Variants in TMCC3 observed in about 807,000 individuals in gnomAD.
The protein encoded by TMCC3 is transmembrane and coiled-coil domain protein 3.
In TMCC3, 28 loss-of-function variants were observed where a neutral mutation model predicts 40.2. That is an observed-to-expected ratio of 0.70 (90% CI 0.52 to 0.95). The LOEUF (loss-of-function observed/expected upper bound fraction) is 0.95. TMCC3 is among the 40% of genes least tolerant of loss of function. The pLI, the probability that TMCC3 is intolerant of heterozygous loss-of-function variation, is 0.00. For missense variants in TMCC3, 554 were observed against 615.2 expected (o/e 0.90, Z 1.05); for synonymous variants, 255 against 248.5 (o/e 1.03, Z -0.25).
chr12:94,567,537 A>G lies in TMCC3; in HGVS notation c.*3898T>C, dbSNP rs2068501762. ...AACTGTACTGATTTCAGGAAACTAT[A>G]GGTTAGTTCTGTTTCATATCTTTTT... On this transcript the variant is annotated 3_prime_UTR_variant, in exon 4 of 4. Transcript: ENST00000261226. The G allele has an allele frequency of 6.6e-6, 1 of 151,488 alleles. No homozygotes were observed. Among genetic ancestry groups the G allele is most frequent in the Non-Finnish European group, 1.5e-5 (1 of 67,750 alleles). 9.4% of individuals were successfully genotyped at this position (151,488 alleles called of 1,614,324 possible).
Position 94,576,088 on chromosome 12 carries a change from C to T in TMCC3, c.1131+2306G>A, listed in dbSNP as rs904957659. The stretch of plus-strand genomic sequence containing the variant: ...CCACTGCACTCGGCCCACTTGGCAA[C>T]AATTAACGTTTAAATGGGTTCAAGT... On this transcript the variant is annotated intron_variant, in intron 3 of 3. Transcript: ENST00000261226. 2.6e-5 allele frequency among the ~76,000 whole-genome samples: 4 copies of T among 152,288 alleles called. No individual in the cohort carries two copies. The East Asian group carries it at 7.7e-4, about 29-fold the overall frequency.
Position 94,571,090 on chromosome 12 carries a change from A to AC in TMCC3, c.*344dup, listed in dbSNP as rs1310909052. On this transcript the variant is annotated 3_prime_UTR_variant, in exon 4 of 4. Transcript: ENST00000261226. ...TTAGCAATTGTGAAGCTCAATTCTGACAGAGACTTAGGAGAGAGACCTCTT... is the reference window on the plus strand; with the variant it reads ...TTAGCAATTGTGAAGCTCAATTCTGACCAGAGACTTAGGAGAGAGACCTCTT... 3 of 252,650 alleles carry AC rather than the reference A, an allele frequency of 1.2e-5. No individual in the cohort carries two copies. Among genetic ancestry groups the AC allele is most frequent in the Non-Finnish European group, 2.3e-5 (3 of 130,796 alleles). 15.7% of individuals were successfully genotyped at this position (252,650 alleles called of 1,614,324 possible). A position where few individuals can be genotyped will look rare whatever the true frequency, so the allele number is the denominator to read the frequency against.
At chr12:94,599,535 G>T (rs2068738904) in intron 1 of TMCC3, among the ~76,000 whole-genome samples, 1 of 148,252 alleles carries the variant, frequency 6.7e-6, no homozygotes, top group Admixed American at 6.8e-5. Context: ...ACCTGAACAG[G>T]AAAGATAATT....
chr12:94,641,335 G>A lies in TMCC3; in HGVS notation c.78+9018C>T, dbSNP rs953406970. 3.3e-5 allele frequency among the ~76,000 whole-genome samples: 5 copies of A among 152,274 alleles called. No homozygotes were observed. In the East Asian group the frequency reaches 5.8e-4, roughly 18 times the overall value. On this transcript the variant is annotated intron_variant, in intron 1 of 3. Coordinates refer to ENST00000261226, the MANE Select transcript of TMCC3 (RefSeq NM_020698.4). ...TAATATTAACCAGGAATAGAAGGGC[G>A]GTTCAAAGAATGAATCTGATATACA...
chr12:94,633,128 A>T (rs2138877964), intron 1 of TMCC3, among the ~76,000 whole-genome samples: 1 of 152,316 alleles, frequency 6.6e-6, no homozygotes, highest in South Asian at 2.1e-4. Flanking sequence ...AGAAAAGAAA[A>T]GAAAAGAAAA....
In TMCC3 at chr12:94,593,391, A is replaced by AGG. The variant is rs1566320565; in HGVS notation, c.79-10854_79-10853insCC. ...AAAAAAAGAAAAGAAAAGAAAGAAG[A>AGG]AAGAAGAAAGAAGAAGAAGGAAGAA... On this transcript the variant is annotated intron_variant, in intron 1 of 3. Transcript: ENST00000261226. 2.1e-4 allele frequency among the ~76,000 whole-genome samples: 13 copies of AGG among 62,776 alleles called. 1 individual carries two copies. The highest frequency in any genetic ancestry group is 8.4e-4 in the African/African-American group (12 of 14,322). The allele number at this position is 62,776 out of a possible 152,430, so 41.2% of individuals were successfully genotyped here.
chr12:94,615,868 CA>C, intron 1 of TMCC3: 1 of 944,976 alleles, frequency 1.1e-6, no homozygotes, highest in Non-Finnish European at 1.3e-6. Context: ...CACAAAGCTC[CA>C]CAATACATAT....
chr12:94,626,470 A>G (rs1158028510), intron 1 of TMCC3, among the ~76,000 whole-genome samples: 15 of 152,252 alleles, frequency 9.9e-5, no homozygotes, highest in Admixed American at 9.8e-4. Context: ...AGGCCTTACA[A>G]ATCCTTTGAT....
At chr12:94,639,994 A>G (rs1431395552) in intron 1 of TMCC3, among the ~76,000 whole-genome samples, 1 of 152,222 alleles carries the variant, frequency 6.6e-6, no homozygotes, top group Non-Finnish European at 1.5e-5. Flanking sequence ...TGATACATTA[A>G]GACCAGGGTT....
chr12:94,573,590 C>A (rs1166847517), intron 3 of TMCC3, among the ~76,000 whole-genome samples: 2 of 151,964 alleles, frequency 1.3e-5, no homozygotes, highest in Non-Finnish European at 2.9e-5. Flanking sequence ...TTCTTTTTTT[C>A]TTTTAAGAGA....
At chr12:94,613,484 T>C (rs1172921056) in intron 1 of TMCC3, among the ~76,000 whole-genome samples, 1 of 151,968 alleles carries the variant, frequency 6.6e-6, no homozygotes, top group African/African-American at 2.4e-5. Flanking sequence ...ATAAAATGAT[T>C]AAATCTTAAA....
chr12:94,577,389 C>G (rs1045552860), intron 3 of TMCC3, among the ~76,000 whole-genome samples: 1 of 152,044 alleles, frequency 6.6e-6, no homozygotes, highest in African/African-American at 2.4e-5. Context: ...GGGGTTTCAC[C>G]TTGTTAGCCA....
intron 1 of TMCC3, among the ~76,000 whole-genome samples, chr12:94,592,661 C>CAAA (rs869058316): frequency 0.021 from 587 of 27,464 alleles, 69 homozygotes; most frequent in African/African-American, 0.074. Context: ...GGCTCCATCT[C>CAAA]AAAAAAAAAA....
intron 1 of TMCC3, among the ~76,000 whole-genome samples, chr12:94,595,690 A>C (rs1354342837): frequency 6.6e-6 from 1 of 152,226 alleles, no homozygotes; most frequent in Non-Finnish European, 1.5e-5. Context: ...GTAGCTATTC[A>C]AGAGTAGAAG....
chr12:94,594,186 C>T (rs1241772042), intron 1 of TMCC3, among the ~76,000 whole-genome samples: 2 of 136,872 alleles, frequency 1.5e-5, no homozygotes, highest in African/African-American at 2.9e-5. Flanking sequence ...AGAACCATGC[C>T]TTTTAAATTT....
At chr12:94,586,378 C>T (rs559412479) in intron 1 of TMCC3, among the ~76,000 whole-genome samples, 2 of 152,304 alleles carry the variant, frequency 1.3e-5, no homozygotes, top group African/African-American at 4.8e-5. Context: ...ACGACATCAC[C>T]TCCACCTCCA....
intron 1 of TMCC3, among the ~76,000 whole-genome samples, chr12:94,593,403 A>G (rs1566320612): frequency 8.8e-5 from 7 of 79,842 alleles, no homozygotes; most frequent in African/African-American, 3.0e-4. Flanking sequence ...AGAAGAAAGA[A>G]GAAGAAGGAA....
At chr12:94,586,442 T>C (rs1455214621) in intron 1 of TMCC3, among the ~76,000 whole-genome samples, 1 of 152,242 alleles carries the variant, frequency 6.6e-6, no homozygotes, top group Middle Eastern at 3.2e-3. Context: ...GCCTGTTGTA[T>C]ACATGTATTC....
intron 1 of TMCC3, among the ~76,000 whole-genome samples, chr12:94,592,541 G>A (rs948448712): frequency 8.0e-5 from 12 of 150,258 alleles, no homozygotes; most frequent in Non-Finnish European, 3.0e-5. Flanking sequence ...CTACTCAGGA[G>A]GCTGAGGCAG....
Sources: gnomAD v4.1 joint callset for allele counts (sites outside exome capture counted in the v4.1 genomes callset) on GRCh38, gnomAD v4.1.1 for gene constraint, MANE v1.5 for transcripts, NCBI Gene and HGNC (gene_info 2026-07-23, HGNC 2026-07-21) for gene names.